Variants in PREX1 observed in about 807,000 individuals in gnomAD.
PREX1 encodes the protein phosphatidylinositol 3,4,5-trisphosphate-dependent Rac exchanger 1 protein.
A neutral mutation model predicts 198.3 loss-of-function variants in PREX1; 41 were observed. The observed-to-expected ratio is 0.21, with a 90% CI of 0.16 to 0.27. The LOEUF is 0.27. PREX1 is among the 10% of genes least tolerant of loss of function. PREX1 has a pLI of 1.00. For missense variants in PREX1, 1,620 were observed against 2,200.7 expected, an observed-to-expected ratio of 0.74 and a Z score of 5.28; for synonymous variants, 843 against 887.2, an observed-to-expected ratio of 0.95 and a Z score of 0.89.
At position 48,634,755 on chromosome 20, in the gene PREX1, C is replaced by A. The variant is rs2089348527; in HGVS notation, c.4188G>T (p.Leu1396=). 2 of 1,614,172 alleles carry A rather than the reference C, an allele frequency of 1.2e-6. No individual in the cohort carries two copies. The highest frequency in any genetic ancestry group is 1.7e-6 in the Non-Finnish European group (2 of 1,179,984). ...CTGACAGCGTCACCCAGATGTCCTC[C>A]AGCATGGTCCGTTCCTCCTTCTGCA... is the stretch of plus-strand genomic sequence containing the variant. ...PATVKEERTM[L]EDIWVTLSEL... Residue 1396 remains leucine (L), a synonymous_variant, in exon 33 of 40, where the codon CTG becomes CTT. Coordinates refer to ENST00000371941, the MANE Select transcript of PREX1 (RefSeq NM_020820.4).
intron 1 of PREX1, among the ~76,000 whole-genome samples, chr20:48,752,362 C>T (rs1253347337): frequency 6.6e-6 from 1 of 152,216 alleles, no homozygotes; most frequent in Non-Finnish European, 1.5e-5. Context: ...ACTTGATTTT[C>T]TCACTCAACA....
Position 48,684,238 on chromosome 20 carries a change from C to G in PREX1, c.1335-2903G>C, listed in dbSNP as rs563310260. ...CATTCTGCAGTCTTCCTAAGAAAGCCGCCTGAGCTCAGGCCCAAGGTACCA... is the reference window on the plus strand; with the variant it reads ...CATTCTGCAGTCTTCCTAAGAAAGCGGCCTGAGCTCAGGCCCAAGGTACCA... On this transcript the variant is annotated intron_variant, in intron 10 of 39. Coordinates refer to ENST00000371941, the MANE Select transcript of PREX1 (RefSeq NM_020820.4). The surrounding 1 kb of genome is among the most constrained non-coding windows in gnomAD (Gnocchi z 4.2). 2.0e-5 allele frequency among the ~76,000 whole-genome samples: 3 copies of G among 152,278 alleles called. No individual in the cohort carries two copies. Among genetic ancestry groups the G allele is most frequent in the Non-Finnish European group, 4.4e-5 (3 of 67,998 alleles).
At chr20:48,769,689 C>A (rs2122874643) in intron 1 of PREX1, among the ~76,000 whole-genome samples, 1 of 152,314 alleles carries the variant, frequency 6.6e-6, no homozygotes, top group Middle Eastern at 3.4e-3. Flanking sequence ...ACGCCTGTCA[C>A]CACGTAACCA....
chr20:48,641,851 GAA>G (rs1378576562), intron 29 of PREX1, among the ~76,000 whole-genome samples: 387 of 34,642 alleles, frequency 0.011, 3 homozygotes, highest in African/African-American at 0.035. Context: ...AGGAAGGAAG[GAA>G]GGAAGGAAGG....
At chr20:48,728,255 T>C (rs2090018285) in intron 4 of PREX1, among the ~76,000 whole-genome samples, 1 of 152,192 alleles carries the variant, frequency 6.6e-6, no homozygotes, top group African/African-American at 2.4e-5. Flanking sequence ...AATAAGACCA[T>C]AAGAACACAT....
chr20:48,639,265 G>A (rs1053657541), intron 30 of PREX1, among the ~76,000 whole-genome samples: 3 of 152,344 alleles, frequency 2.0e-5, no homozygotes, highest in African/African-American at 2.4e-5. Context: ...CCAGATCTTC[G>A]TGTTGTTCAA....
At chr20:48,840,199 A>G in the PREX1 span, among the ~76,000 whole-genome samples, 1 of 152,028 alleles carries the variant, frequency 6.6e-6, no homozygotes, top group East Asian at 1.9e-4. Context: ...ATTTTTTGTA[A>G]GGACAGGATT....
At chr20:48,676,303 G>A in intron 13 of PREX1, 35 bp from the exon 14 acceptor site, 2 of 1,596,580 alleles carry the variant, frequency 1.3e-6, no homozygotes, top group East Asian at 2.2e-5. Context: ...GAGCAGGGCA[G>A]GGCGGGGAGG....
intron 1 of PREX1, among the ~76,000 whole-genome samples, chr20:48,750,861 G>A (rs893446615): frequency 3.3e-5 from 5 of 152,174 alleles, no homozygotes; most frequent in Non-Finnish European, 7.3e-5. Context: ...TTTGGAAACT[G>A]GTGAGTCTGA....
At position 48,643,341 on chromosome 20, in the gene PREX1, C is replaced by T. The variant is rs553851991; in HGVS notation, c.3602-852G>A. Reference sequence around the variant, plus strand: ...AAAATTATCTGAATGTGGTGGCGGGCGCCTGTAATCCCAGCTACTCAGGAG... The same window carrying T: ...AAAATTATCTGAATGTGGTGGCGGGTGCCTGTAATCCCAGCTACTCAGGAG... On this transcript the variant is annotated intron_variant, in intron 27 of 39. Coordinates refer to ENST00000371941, the MANE Select transcript of PREX1 (RefSeq NM_020820.4). 1.1e-4 allele frequency among the ~76,000 whole-genome samples: 17 copies of T among 152,140 alleles called. No individual in the cohort carries two copies. The East Asian group carries it at 2.5e-3, about 23-fold the overall frequency.
chr20:48,721,989 G>A (rs951865663), intron 5 of PREX1, among the ~76,000 whole-genome samples: 6 of 152,146 alleles, frequency 3.9e-5, no homozygotes, highest in African/African-American at 1.4e-4. Context: ...AGGTGGTCTG[G>A]GGAAAGGCAT....
chr20:48,744,654 T>C (rs1485362271), intron 3 of PREX1, among the ~76,000 whole-genome samples: 2 of 152,174 alleles, frequency 1.3e-5, no homozygotes, highest in Non-Finnish European at 2.9e-5. Context: ...GAGCCGGGAC[T>C]CAAACCCAGG....
intron 4 of PREX1, among the ~76,000 whole-genome samples, chr20:48,731,768 G>A (rs1042222382): frequency 1.3e-5 from 2 of 152,194 alleles, no homozygotes; most frequent in African/African-American, 2.4e-5. Flanking sequence ...GGCACCCCAC[G>A]CATCCTCCCC....
chr20:48,675,810 G>A (rs925551591), intron 14 of PREX1, among the ~76,000 whole-genome samples: 15 of 152,114 alleles, frequency 9.9e-5, no homozygotes, highest in South Asian at 4.2e-4. Flanking sequence ...AGGCCGAGGC[G>A]GGCAGATCAC....
At chr20:48,815,449 G>A (rs116480577) in intron 1 of PREX1, among the ~76,000 whole-genome samples, 2,602 of 152,234 alleles carry the variant, frequency 0.017, 77 homozygotes, top group African/African-American at 0.057. Flanking sequence ...AACACAAATT[G>A]GAAATCACTA....
At chr20:48,828,674 C>T (rs1048781957), upstream of PREX1, among the ~76,000 whole-genome samples, 1 of 152,206 alleles carries the variant, frequency 6.6e-6, no homozygotes, top group Non-Finnish European at 1.5e-5. Flanking sequence ...CGTTTCCTTT[C>T]CCATCTCTCT....
intron 29 of PREX1, among the ~76,000 whole-genome samples, 184 bp from the exon 30 acceptor site, chr20:48,640,078 C>T (rs1045104651): frequency 2.0e-5 from 3 of 152,170 alleles, no homozygotes; most frequent in African/African-American, 7.2e-5. Context: ...TGGTACCACA[C>T]CCATGGCAGG....
chr20:48,710,458 T>C (rs1291638691), intron 5 of PREX1, among the ~76,000 whole-genome samples: 1 of 152,162 alleles, frequency 6.6e-6, no homozygotes, highest in Non-Finnish European at 1.5e-5. Flanking sequence ...TCAAGCTCAT[T>C]TGATCCTCAT....
intron 5 of PREX1, among the ~76,000 whole-genome samples, chr20:48,708,790 G>A (rs2089915979): frequency 2.0e-5 from 3 of 152,176 alleles, no homozygotes; most frequent in Admixed American, 2.0e-4. Context: ...AGGGTCTGAG[G>A]CGGGCACATG....
Sources: gnomAD v4.1 joint callset for allele counts (sites outside exome capture counted in the v4.1 genomes callset) on GRCh38, gnomAD v4.1.1 for gene constraint, Gnocchi (gnomAD v3.1) non-coding constraint, MANE v1.5 for transcripts, NCBI Gene and HGNC (gene_info 2026-07-23, HGNC 2026-07-21) for gene names.